RBFOX1: variants seen among roughly 807,000 people sequenced by gnomAD.
The protein encoded by RBFOX1 is RNA binding fox-1 homolog 1.
A neutral mutation model predicts 57.7 loss-of-function variants in RBFOX1; 8 were observed. The observed-to-expected ratio is 0.14, with a 90% CI of 0.08 to 0.25. RBFOX1 has a LOEUF of 0.25. Ranked by LOEUF, RBFOX1 falls within the 10% of genes least tolerant of loss-of-function variation. The pLI is 1.00. For synonymous variants in RBFOX1, 326 were observed against 222.4 expected, an observed-to-expected ratio of 1.47 and a Z score of -4.15; for missense variants, 611 against 548.5, an observed-to-expected ratio of 1.11 and a Z score of -1.14.
At chr16:6,874,840 A>G (rs1202191314) in intron 3 of RBFOX1, among the ~76,000 whole-genome samples, 2 of 152,174 alleles carry the variant, frequency 1.3e-5, no homozygotes, top group Non-Finnish European at 2.9e-5. Context: ...GTGCATCAAA[A>G]TCTCAGAAAT....
intron 13 of RBFOX1, among the ~76,000 whole-genome samples, chr16:7,674,479 T>G (rs917823694): frequency 6.6e-6 from 1 of 152,196 alleles, no homozygotes; most frequent in African/African-American, 2.4e-5. Context: ...AGACCACTGA[T>G]CAAGGTTTAA....
intron 1 of RBFOX1, among the ~76,000 whole-genome samples, chr16:6,214,538 GA>G: frequency 8.1e-6 from 1 of 124,080 alleles, no homozygotes; most frequent in African/African-American, 3.1e-5. Context: ...GAGATGGGGA[GA>G]AGGAGACAGG....
At chr16:5,508,630 G>T (rs991958962) in intron 2 of RBFOX1, among the ~76,000 whole-genome samples, 1 of 151,994 alleles carries the variant, frequency 6.6e-6, no homozygotes, top group Non-Finnish European at 1.5e-5. Flanking sequence ...GGGGTGGGGG[G>T]ACTGCACAGA....
rs77690177 is a variant in RBFOX1 at position 7,647,118 on chromosome 16, G to T, written c.758-6697G>T. Among the ~76,000 whole-genome samples, 653 of 152,182 alleles carry T rather than the reference G, an allele frequency of 4.3e-3. 5 individuals are homozygous for T. The highest frequency in any genetic ancestry group is 0.015 in the African/African-American group (636 of 41,510). On this transcript the variant is annotated intron_variant, in intron 11 of 15. Transcript: ENST00000550418. ...ACATCCCTAAAGCTTCCATTTCATC[G>T]AGTTCCATGGGACAGAACTTCTTAT...
intron 4 of RBFOX1, among the ~76,000 whole-genome samples, chr16:7,189,554 AACACACACACACAC>A (rs779531861): frequency 2.2e-5 from 3 of 135,808 alleles, no homozygotes; most frequent in Non-Finnish European, 4.7e-5. Context: ...TGTCCCCCAA[AACACACACACACAC>A]ACACACACAC....
At chr16:6,804,080 C>T (rs945225227) in intron 3 of RBFOX1, among the ~76,000 whole-genome samples, 100 of 151,856 alleles carry the variant, frequency 6.6e-4, no homozygotes, top group African/African-American at 2.3e-3. Context: ...GATCTCAGCT[C>T]GCTGCAACCT....
chr16:6,680,789 G>A (rs2058534084), intron 3 of RBFOX1, among the ~76,000 whole-genome samples: 1 of 152,066 alleles, frequency 6.6e-6, no homozygotes, highest in African/African-American at 2.4e-5. Context: ...ACCTAACTTT[G>A]CAAACCATTT....
At chr16:7,346,981 C>G (rs2097022849) in intron 4 of RBFOX1, among the ~76,000 whole-genome samples, 1 of 152,096 alleles carries the variant, frequency 6.6e-6, no homozygotes. Flanking sequence ...CACAGAAACT[C>G]TTGGACTCAA....
intron 3 of RBFOX1, among the ~76,000 whole-genome samples, chr16:6,824,521 T>G (rs1164826829): frequency 2.6e-5 from 4 of 152,146 alleles, no homozygotes; most frequent in Non-Finnish European, 5.9e-5. Context: ...TTTTAAAAAT[T>G]AACATGTTGA....
At chr16:6,220,173 T>C (rs1296519411) in intron 1 of RBFOX1, among the ~76,000 whole-genome samples, 1 of 152,198 alleles carries the variant, frequency 6.6e-6, no homozygotes, top group Non-Finnish European at 1.5e-5. Flanking sequence ...TGTATATATA[T>C]ACATCTCTGT....
In RBFOX1 at chr16:6,998,905, A is replaced by T. The variant is rs140520655; in HGVS notation, c.-15-53152A>T. Among the ~76,000 whole-genome samples the T allele has an allele frequency of 1.6e-3, 248 of 151,784 alleles. 1 individual carries two copies. Among genetic ancestry groups the T allele is most frequent in the Non-Finnish European group, 2.9e-3 (194 of 67,936 alleles). ...TTATTTTGCGACTGAGTTTCACTCT[A>T]TCACCCAGGCTGGAGTGCAGTGGCA... On this transcript the variant is annotated intron_variant, in intron 3 of 15. Coordinates refer to ENST00000550418, the MANE Select transcript of RBFOX1 (RefSeq NM_018723.4).
intron 2 of RBFOX1, among the ~76,000 whole-genome samples, chr16:5,581,618 A>C (rs753929923): frequency 1.3e-5 from 2 of 152,188 alleles, no homozygotes; most frequent in Non-Finnish European, 2.9e-5. Context: ...GGCTTCCTGG[A>C]GGAGGTGATG....
rs1364676341 is a variant in RBFOX1, at chr16:6,855,849, C to CCCTCCCTGTTTG, written c.-15-196201_-15-196200insGTTTGCCTCCCT. Among the ~76,000 whole-genome samples the CCCTCCCTGTTTG allele has an allele frequency of 0.016, 2,319 of 149,478 alleles. 135 individuals carry two copies. The East Asian group carries it at 0.19, about 12-fold the overall frequency. ...TCCCTCCCTCCTTCCCTCCCTCTTT[C>CCCTCCCTGTTTG]CCTCCCTTCCTTTCTTCCCTGCTTT... On this transcript the variant is annotated intron_variant, in intron 3 of 15. Transcript: ENST00000550418.
chr16:6,256,172 TATATATATATATAC>T (rs1451687324), intron 1 of RBFOX1, among the ~76,000 whole-genome samples: 1,657 of 14,606 alleles, frequency 0.11, 185 homozygotes, highest in African/African-American at 0.17. Flanking sequence ...TATATATATG[TATATATATATATAC>T]GTATATATAT....
intron 4 of RBFOX1, among the ~76,000 whole-genome samples, chr16:7,441,005 G>A (rs146444357): frequency 2.6e-5 from 4 of 152,034 alleles, no homozygotes; most frequent in Non-Finnish European, 5.9e-5. Flanking sequence ...TCATGCCACT[G>A]TGCTTCAGCA....
chr16:7,263,092 C>G (rs1338092608), intron 4 of RBFOX1, among the ~76,000 whole-genome samples: 2 of 152,172 alleles, frequency 1.3e-5, no homozygotes, highest in African/African-American at 2.4e-5. Context: ...CTGAATAGCC[C>G]TTATTCCTTG....
chr16:5,940,868 T>G (rs1224100156), intron 4 of RBFOX1, among the ~76,000 whole-genome samples: 1 of 152,174 alleles, frequency 6.6e-6, no homozygotes, highest in Non-Finnish European at 1.5e-5. Context: ...GTTCCAACCC[T>G]GCGTTTACAT....
At chr16:5,824,441 T>C (rs1486584594) in intron 3 of RBFOX1, among the ~76,000 whole-genome samples, 1 of 152,086 alleles carries the variant, frequency 6.6e-6, no homozygotes, top group Non-Finnish European at 1.5e-5. Flanking sequence ...GGTGTCTCCA[T>C]TTGTCTCAGA....
intron 3 of RBFOX1, among the ~76,000 whole-genome samples, chr16:6,913,352 C>T (rs1046179478): frequency 2.0e-5 from 3 of 152,172 alleles, no homozygotes; most frequent in Non-Finnish European, 4.4e-5. Context: ...ATTTTAACCC[C>T]CTTATGAGCG....
Sources: gnomAD v4.1 joint callset for allele counts (sites outside exome capture counted in the v4.1 genomes callset) on GRCh38, gnomAD v4.1.1 for gene constraint, MANE v1.5 for transcripts, NCBI Gene and HGNC (gene_info 2026-07-23, HGNC 2026-07-21) for gene names.